The following AJAP1 variants were observed in gnomAD, a reference collection of about 807,000 sequenced individuals.
AJAP1 encodes the protein adherens junction-associated protein 1.
AJAP1 carries 5 observed loss-of-function variants against 35.0 expected under a neutral mutation model. That is an observed-to-expected ratio of 0.14 (90% CI 0.07 to 0.30). The LOEUF is 0.30. AJAP1 is among the 10% of genes least tolerant of loss of function. The probability of loss-of-function intolerance (pLI) is 1.00; values close to 1 mark genes in which losing one functional copy is unlikely to be tolerated. For synonymous variants in AJAP1, 284 were observed against 249.3 expected, an observed-to-expected ratio of 1.14 and a Z score of -1.31; for missense variants, 586 against 571.0, an observed-to-expected ratio of 1.03 and a Z score of -0.27.
At chr1:4,722,592 C>T (rs530796414) in intron 2 of AJAP1, among the ~76,000 whole-genome samples, 17 of 152,304 alleles carry the variant, frequency 1.1e-4, no homozygotes, top group South Asian at 4.1e-4. Flanking sequence ...TTTTGGAGGC[C>T]GGAGTCTGAA....
At chr1:4,762,592 A>G (rs1382607653) in intron 2 of AJAP1, among the ~76,000 whole-genome samples, 1 of 152,216 alleles carries the variant, frequency 6.6e-6, no homozygotes, top group Non-Finnish European at 1.5e-5. Context: ...GCAAGATGAC[A>G]TCCGGAAGTG....
intron 1 of AJAP1, among the ~76,000 whole-genome samples, chr1:4,660,935 C>T (rs548884797): frequency 6.6e-6 from 1 of 152,286 alleles, no homozygotes; most frequent in African/African-American, 2.4e-5. Flanking sequence ...AGCAGGTTTT[C>T]GGGGTCAGCC....
chr1:4,757,626 G>A (rs1022430185), intron 2 of AJAP1, among the ~76,000 whole-genome samples: 4 of 152,220 alleles, frequency 2.6e-5, no homozygotes, highest in Non-Finnish European at 5.9e-5. Flanking sequence ...GGTACCTCCT[G>A]TTGTAGAAGC....
At chr1:4,728,943 C>T (rs898168208) in intron 2 of AJAP1, among the ~76,000 whole-genome samples, 1 of 152,146 alleles carries the variant, frequency 6.6e-6, no homozygotes, top group Non-Finnish European at 1.5e-5. Flanking sequence ...GCCCAGCTGC[C>T]AGACCACACA....
chr1:4,681,909 G>C (rs1639492397), intron 1 of AJAP1, among the ~76,000 whole-genome samples: 1 of 152,186 alleles, frequency 6.6e-6, no homozygotes. Flanking sequence ...CTTCTCTGGA[G>C]CCTGCCAGTT....
intron 2 of AJAP1, among the ~76,000 whole-genome samples, chr1:4,741,892 A>G (rs1419182648): frequency 1.3e-5 from 2 of 152,256 alleles, no homozygotes; most frequent in African/African-American, 4.8e-5. Flanking sequence ...GGCCAGCCCA[A>G]AGGGGCTCCC....
At chr1:4,673,663 C>T (rs1027350315) in intron 1 of AJAP1, among the ~76,000 whole-genome samples, 1 of 152,210 alleles carries the variant, frequency 6.6e-6, no homozygotes, top group South Asian at 2.1e-4. Flanking sequence ...GCTGTGGACA[C>T]AGACGCGGCC....
intron 2 of AJAP1, among the ~76,000 whole-genome samples, chr1:4,760,217 ATATG>A (rs200275184): frequency 7.0e-5 from 10 of 143,088 alleles, no homozygotes; most frequent in Admixed American, 3.6e-4. Context: ...GTGTGTGTGA[ATATG>A]TAAGTGTGTG....
rs1430032129 is a variant in AJAP1, at chr1:4,693,449, G to A, written c.30-18451G>A. Reference sequence around the variant, plus strand: ...GGTAGGGCTTCTGGGCTAAGACTGAGCGTCCAAGCCTTCCTTGGAGGCACC... The same window carrying A: ...GGTAGGGCTTCTGGGCTAAGACTGAACGTCCAAGCCTTCCTTGGAGGCACC... On this transcript the variant is annotated intron_variant, in intron 1 of 5. Coordinates refer to ENST00000378191, the MANE Select transcript of AJAP1 (RefSeq NM_018836.4). This position sits in a 1 kb window ranked among gnomAD's most constrained non-coding sequence, Gnocchi z 4.4. 6.6e-6 allele frequency among the ~76,000 whole-genome samples: 1 copy of A among 152,122 alleles called. No homozygotes were observed. The highest frequency in any genetic ancestry group is 2.4e-5 in the African/African-American group (1 of 41,432).
chr1:4,765,385 G>A, intron 2 of AJAP1, among the ~76,000 whole-genome samples: 1 of 152,110 alleles, frequency 6.6e-6, no homozygotes, highest in East Asian at 1.9e-4. Context: ...AGGGGCAGCA[G>A]GGTTTATGGG....
intron 2 of AJAP1, among the ~76,000 whole-genome samples, chr1:4,755,370 C>T (rs1001354454): frequency 6.6e-6 from 1 of 152,016 alleles, no homozygotes; most frequent in African/African-American, 2.4e-5. Flanking sequence ...TTGCAATTTC[C>T]CCACTCTCTG....
intron 1 of AJAP1, among the ~76,000 whole-genome samples, chr1:4,682,814 G>A (rs1027569099): frequency 2.0e-5 from 3 of 152,118 alleles, no homozygotes; most frequent in Non-Finnish European, 4.4e-5. Context: ...AATGATGATA[G>A]TGGTGATACT....
chr1:4,670,695 G>A (rs1431492920), intron 1 of AJAP1, among the ~76,000 whole-genome samples: 3 of 152,184 alleles, frequency 2.0e-5, no homozygotes, highest in Admixed American at 2.0e-4. Flanking sequence ...AGGTCTCATC[G>A]CCCAGCCTCA....
At chr1:4,690,848 T>C (rs963540550) in intron 1 of AJAP1, among the ~76,000 whole-genome samples, 1 of 152,188 alleles carries the variant, frequency 6.6e-6, no homozygotes, top group East Asian at 1.9e-4. Context: ...CGTCTATGCC[T>C]GAGTCCACCT....
intron 1 of AJAP1, among the ~76,000 whole-genome samples, chr1:4,703,214 G>A (rs1395432469): frequency 6.6e-6 from 1 of 152,136 alleles, no homozygotes. Flanking sequence ...AGTGATTCAC[G>A]GCTTAATGTG....
At chr1:4,713,147 A>G (rs1222503885) in intron 2 of AJAP1, among the ~76,000 whole-genome samples, 1 of 152,206 alleles carries the variant, frequency 6.6e-6, no homozygotes, top group Admixed American at 6.5e-5. Context: ...CTTCAAGGGT[A>G]TGGGACCCAT....
rs566234605 is a variant in AJAP1, at chr1:4,716,408, C to G, written c.829+3709C>G. Among the ~76,000 whole-genome samples, 14 of 152,320 alleles carry G rather than the reference C, an allele frequency of 9.2e-5. 1 individual carries two copies. In the South Asian group the frequency reaches 2.9e-3, roughly 32 times the overall value. On this transcript the variant is annotated intron_variant, in intron 2 of 5. Coordinates refer to ENST00000378191, the MANE Select transcript of AJAP1 (RefSeq NM_018836.4). ...ATCTCATAATGTTGTTGTAAAGATT[C>G]AGTGAGACAGAGTGTGCCAAGTACT...
At chr1:4,770,238 C>T (rs914667154) in intron 3 of AJAP1, among the ~76,000 whole-genome samples, 2 of 152,144 alleles carry the variant, frequency 1.3e-5, no homozygotes, top group African/African-American at 4.8e-5. Flanking sequence ...ATGTTGTCCA[C>T]CCAGAGCACA....
At chr1:4,672,003 A>G (rs1192470519) in intron 1 of AJAP1, among the ~76,000 whole-genome samples, 2 of 152,118 alleles carry the variant, frequency 1.3e-5, no homozygotes, top group Non-Finnish European at 2.9e-5. Context: ...CTCACCCACC[A>G]TCCCGGGGCG....
Sources: allele counts gnomAD v4.1 joint callset (sites outside exome capture counted in the v4.1 genomes callset), GRCh38; gene constraint gnomAD v4.1.1; non-coding constraint Gnocchi (gnomAD v3.1); transcripts MANE v1.5; gene names NCBI Gene and HGNC (gene_info 2026-07-23, HGNC 2026-07-21).